The following TMC1 variants were observed in gnomAD, a reference collection of about 807,000 sequenced individuals.
TMC1 encodes transmembrane channel-like protein 1.
TMC1 carries 84 observed loss-of-function variants against 105.8 expected under a neutral mutation model. The ratio of observed to expected loss-of-function variants is 0.79; its 90% CI spans 0.67 to 0.95. The LOEUF (loss-of-function observed/expected upper bound fraction) is 0.95, where lower values mean the gene tolerates loss of function less well. Among genes scored for constraint, TMC1 ranks in the 40% least tolerant of loss-of-function variants. The pLI is 0.00. For missense variants in TMC1, 817 were observed against 914.1 expected (o/e 0.89, Z 1.37); for synonymous variants, 315 against 311.5 (o/e 1.01, Z -0.12).
At chr9:72,610,963 A>G (rs895926676) in intron 2 of TMC1, among the ~76,000 whole-genome samples, 2 of 152,158 alleles carry the variant, frequency 1.3e-5, no homozygotes, top group Non-Finnish European at 2.9e-5. Flanking sequence ...AATTGTGAAG[A>G]TCTTTCTAGT....
In TMC1 at chr9:72,805,444, C is replaced by G. The variant is rs745630603; in HGVS notation, c.1629C>G (p.Asp543Glu). The G allele has an allele frequency of 6.2e-7, 1 of 1,613,460 alleles. No individual in the cohort carries two copies. The highest frequency in any genetic ancestry group is 8.5e-7 in the Non-Finnish European group (1 of 1,179,878). The change falls in exon 18 of 24, where the codon GAC becomes GAG. Residue 543 changes from aspartate (D) to glutamate (E), a missense_variant. Asp to Glu is a conservative substitution (Grantham distance 45). Coordinates refer to ENST00000297784, the MANE Select transcript of TMC1 (RefSeq NM_138691.3). Reference protein sequence around the residue: ...LTTYVTILIGDFLRACFVRFC... With the variant: ...LTTYVTILIGEFLRACFVRFC... ...CCTACGTCACAATCCTCATTGGGGA[C>G]TTTCTAAGGGCATGTTTTGTGAGGT...
intron 5 of TMC1, among the ~76,000 whole-genome samples, chr9:72,685,318 G>A (rs1382597700): frequency 1.3e-5 from 2 of 149,884 alleles, no homozygotes; most frequent in South Asian, 2.1e-4. Flanking sequence ...GTGTTAGCCA[G>A]GATGGTCTCG....
At chr9:72,670,449 T>A (rs1054022461) in intron 5 of TMC1, among the ~76,000 whole-genome samples, 3 of 152,144 alleles carry the variant, frequency 2.0e-5, no homozygotes, top group Non-Finnish European at 4.4e-5. Context: ...AGCCGAAGAC[T>A]ATAGGAATAT....
At chr9:72,717,823 T>C (rs1473942249) in intron 8 of TMC1, among the ~76,000 whole-genome samples, 1 of 152,230 alleles carries the variant, frequency 6.6e-6, no homozygotes, top group Non-Finnish European at 1.5e-5. Context: ...GAACTTCTTG[T>C]ATTTGGATGT....
At chr9:72,672,823 AACACAC>A (rs34028814) in intron 5 of TMC1, among the ~76,000 whole-genome samples, 6,307 of 139,856 alleles carry the variant, frequency 0.045, 159 homozygotes, top group Non-Finnish European at 0.059. Context: ...AAGCCTGGGC[AACACAC>A]ACACACACAC....
At chr9:72,664,781 A>T (rs1029004642) in intron 5 of TMC1, among the ~76,000 whole-genome samples, 3 of 152,160 alleles carry the variant, frequency 2.0e-5, no homozygotes, top group Non-Finnish European at 4.4e-5. Context: ...CTTCAAGTTC[A>T]TGTGTGACTT....
intron 7 of TMC1, among the ~76,000 whole-genome samples, chr9:72,696,772 A>C (rs559712621): frequency 2.0e-5 from 3 of 152,254 alleles, no homozygotes; most frequent in African/African-American, 4.8e-5. Flanking sequence ...TGGATAAGTA[A>C]TATATTCATA....
Position 72,805,416 on chromosome 9 carries a change from C to T in TMC1, c.1601C>T (p.Thr534Ile). 3.1e-6 allele frequency: 5 copies of T among 1,613,920 alleles called. No homozygotes were observed. Among genetic ancestry groups the T allele is most frequent in the Non-Finnish European group, 4.2e-6 (5 of 1,179,888 alleles). The part of the protein sequence containing the change: ...FVRLTVSDVL[T>I]TYVTILIGDF... ...AGGCTGACAGTCTCTGATGTTCTGA[C>T]CACCTACGTCACAATCCTCATTGGG... The change falls in exon 18 of 24, where the codon ACC (threonine) becomes ATC (isoleucine). Residue 534 changes from threonine (T) to isoleucine (I), a missense_variant. By Grantham distance (89) the Thr-to-Ile change is moderately conservative (BLOSUM62 -1). Coordinates refer to ENST00000297784, the MANE Select transcript of TMC1 (RefSeq NM_138691.3).
intron 13 of TMC1, among the ~76,000 whole-genome samples, chr9:72,785,100 TAGAA>T (rs1828148912): frequency 6.6e-6 from 1 of 151,984 alleles, no homozygotes; most frequent in African/African-American, 2.4e-5. Context: ...AAATAAAAAT[TAGAA>T]AGAAAAAAAT....
Position 72,694,698 on chromosome 9 carries a change from A to C in TMC1, c.220A>C (p.Arg74=), listed in dbSNP as rs1826520899. 1 of 1,610,388 alleles carries C rather than the reference A, an allele frequency of 6.2e-7. No homozygotes were observed. ...GGCAAGAGAAAAAGAGAGGAGGAGG[A>C]GGCTAAAGAGAGGAGCGTAAGTTAG... ...RKAREKERRR[R]LKRGAEEEEI... The change falls in exon 7 of 24, where the codon AGG becomes CGG. Residue 74 remains arginine (R), a synonymous_variant. Transcript: ENST00000297784.
intron 6 of TMC1, 57 bp downstream of exon 6, chr9:72,688,813 A>C: frequency 7.0e-7 from 1 of 1,431,180 alleles, no homozygotes; most frequent in Non-Finnish European, 9.8e-7. Context: ...GTAAACTCAA[A>C]GAATTTATCC....
intron 1 of TMC1, among the ~76,000 whole-genome samples, chr9:72,530,671 C>T (rs1297650178): frequency 7.3e-5 from 11 of 150,964 alleles, no homozygotes; most frequent in Non-Finnish European, 4.4e-5. Flanking sequence ...CTTTGTGTTT[C>T]ATTCTGGATA....
intron 5 of TMC1, 82 bp from the exon 6 acceptor site, chr9:72,688,626 TA>T: frequency 7.7e-7 from 1 of 1,297,582 alleles, no homozygotes. Flanking sequence ...AACATTATGA[TA>T]AAAACAATAA....
At chr9:72,761,231 G>A (rs934531977) in intron 12 of TMC1, among the ~76,000 whole-genome samples, 26 of 152,086 alleles carry the variant, frequency 1.7e-4, no homozygotes, top group Non-Finnish European at 1.3e-4. Flanking sequence ...GTCTTTGTTG[G>A]CAAGATACCT....
chr9:72,711,734 T>A (rs1446356587), intron 8 of TMC1, among the ~76,000 whole-genome samples: 1 of 152,222 alleles, frequency 6.6e-6, no homozygotes, highest in Admixed American at 6.5e-5. Context: ...TCCAATCTGA[T>A]AATAGTTTCT....
intron 18 of TMC1, among the ~76,000 whole-genome samples, chr9:72,812,710 G>A (rs1828725698): frequency 6.6e-6 from 1 of 152,228 alleles, no homozygotes; most frequent in African/African-American, 2.4e-5. Context: ...GCCCAGACTA[G>A]CTTGCAGCTC....
chr9:72,832,395 T>G (rs1336689740), intron 23 of TMC1, among the ~76,000 whole-genome samples: 3 of 152,194 alleles, frequency 2.0e-5, no homozygotes, highest in East Asian at 3.9e-4. Context: ...GCCATGTCCT[T>G]AGACTGTAAA....
At chr9:72,660,814 A>G (rs552366643) in intron 5 of TMC1, among the ~76,000 whole-genome samples, 23 of 152,294 alleles carry the variant, frequency 1.5e-4, no homozygotes, top group African/African-American at 5.5e-4. Flanking sequence ...TCCAGGTTCC[A>G]GTACTCTCAA....
chr9:72,617,360 C>T (rs1825151506), intron 3 of TMC1, among the ~76,000 whole-genome samples: 1 of 152,042 alleles, frequency 6.6e-6, no homozygotes. Context: ...GACGGGGTTT[C>T]ACCATGTTGG....
Sources: gnomAD v4.1 joint callset for allele counts (sites outside exome capture counted in the v4.1 genomes callset) on GRCh38, gnomAD v4.1.1 for gene constraint, MANE v1.5 for transcripts, NCBI Gene and HGNC (gene_info 2026-07-23, HGNC 2026-07-21) for gene names.